SIMC1: variants seen among roughly 807,000 people sequenced by gnomAD.
SIMC1 encodes the protein SUMO interacting motifs containing 1.
In SIMC1, 55 loss-of-function variants were observed where a neutral mutation model predicts 82.3. That is an observed-to-expected ratio of 0.67 (90% CI 0.54 to 0.84). The LOEUF (loss-of-function observed/expected upper bound fraction) is 0.84. SIMC1 is among the 40% of genes least tolerant of loss of function. The pLI is 0.00. For missense variants in SIMC1, 915 were observed against 1,107.2 expected (o/e 0.83, Z 2.46); for synonymous variants, 353 against 426.3 (o/e 0.83, Z 2.12).
chr5:176,345,198 C>G lies in SIMC1; in HGVS notation c.2429C>G (p.Ser810Cys). 6.2e-7 allele frequency: 1 copy of G among 1,613,856 alleles called. No individual in the cohort carries two copies. ...QHVLREHLRS[S>C]VIDRKDLIIK... Reference sequence around the variant, plus strand: ...CCTCTTGCAGAACACTTAAGGAGTTCCGTGATCGACCGAAAGGACTTAATA... The same window carrying G: ...CCTCTTGCAGAACACTTAAGGAGTTGCGTGATCGACCGAAAGGACTTAATA... The change falls in exon 10 of 10, where the codon TCC (serine) becomes TGC (cysteine). Residue 810 changes from serine to cysteine, a missense_variant. By Grantham distance (112) the Ser-to-Cys change is moderately radical. This residue lies in a region of SIMC1 where 902 missense variants were observed against 1,040.3 expected (regional missense o/e 0.87). Transcript: ENST00000429602.
chr5:176,284,527 G>A (rs1321710172), intron 1 of SIMC1, among the ~76,000 whole-genome samples: 3 of 152,192 alleles, frequency 2.0e-5, no homozygotes, highest in Non-Finnish European at 2.9e-5. Flanking sequence ...TTAAAGCAGT[G>A]TGTAGAGGGA....
chr5:176,292,944 T>C (rs1250721830), intron 2 of SIMC1, among the ~76,000 whole-genome samples: 2 of 152,212 alleles, frequency 1.3e-5, no homozygotes, highest in Non-Finnish European at 2.9e-5. Flanking sequence ...TTTTAACATA[T>C]ACACATTATT....
intron 1 of SIMC1, among the ~76,000 whole-genome samples, chr5:176,287,899 G>C (rs2113249713): frequency 6.6e-6 from 1 of 152,122 alleles, no homozygotes; most frequent in Middle Eastern, 3.4e-3. Context: ...GATAGAGAGA[G>C]AGGTTTGCAT....
rs781007569 is a variant in SIMC1 at position 176,290,897 on chromosome 5, G to A, written c.1373G>A (p.Arg458His). 2.3e-5 allele frequency: 37 copies of A among 1,611,758 alleles called. No individual in the cohort carries two copies. The highest frequency in any genetic ancestry group is 1.0e-4 in the Admixed American group (6 of 59,778). Residue 458 changes from arginine (R) to histidine (H), a missense_variant, in exon 2 of 10, where the codon CGT (arginine) becomes CAT (histidine). Transcript: ENST00000429602. ...PCLHRLKYFL[R>H]PPVHHLFFQT... Reference sequence around the variant, plus strand: ...CTGCATAGACTGAAGTACTTCTTACGTCCTCCGGTTCATCACCTCTTCTTT... The same window carrying A: ...CTGCATAGACTGAAGTACTTCTTACATCCTCCGGTTCATCACCTCTTCTTT...
intron 5 of SIMC1, among the ~76,000 whole-genome samples, chr5:176,320,657 C>G (rs1765122422): frequency 6.6e-6 from 1 of 152,140 alleles, no homozygotes; most frequent in African/African-American, 2.4e-5. Flanking sequence ...AAGTGAGCCA[C>G]CATGCCTGGC....
intron 1 of SIMC1, among the ~76,000 whole-genome samples, chr5:176,260,622 T>A (rs1232103875): frequency 6.9e-6 from 1 of 145,686 alleles, no homozygotes; most frequent in African/African-American, 2.5e-5. Context: ...GGAAAAAAAA[T>A]GTTTGTAGGA....
rs374391951 is a variant in SIMC1, at chr5:176,292,693, G to T, written c.1431+1738G>T. ...CCGCGTAGCTGGGTTACAGGTGCCC[G>T]CTACCACTTCCGGCTTTTTGTACTT... On this transcript the variant is annotated intron_variant, in intron 2 of 9. Coordinates refer to ENST00000429602, the MANE Select transcript of SIMC1 (RefSeq NM_001308195.2). Among the ~76,000 whole-genome samples the T allele has an allele frequency of 3.4e-4, 52 of 152,164 alleles. No homozygotes were observed. In the South Asian group the frequency reaches 8.9e-3, roughly 26 times the overall value.
At chr5:176,300,080 G>A (rs1763978283) in intron 4 of SIMC1, among the ~76,000 whole-genome samples, 1 of 152,116 alleles carries the variant, frequency 6.6e-6, no homozygotes, top group Non-Finnish European at 1.5e-5. Context: ...AAATTAAAAT[G>A]GAAATATGAC....
chr5:176,337,571 G>A (rs984624695), intron 9 of SIMC1, among the ~76,000 whole-genome samples: 1 of 152,136 alleles, frequency 6.6e-6, no homozygotes, highest in African/African-American at 2.4e-5. Context: ...TCCAGCCTGG[G>A]CAACAGAGTG....
intron 4 of SIMC1, among the ~76,000 whole-genome samples, chr5:176,307,153 AAAT>A (rs1217216979): frequency 1.3e-5 from 2 of 152,192 alleles, no homozygotes; most frequent in Non-Finnish European, 2.9e-5. Flanking sequence ...AAAAAACAAA[AAAT>A]AAGTGTGGGC....
intron 2 of SIMC1, 49 bp from the exon 3 acceptor site, chr5:176,294,981 A>AG (rs765119980): frequency 6.5e-7 from 1 of 1,539,128 alleles, no homozygotes. Flanking sequence ...AAAAAAAAAA[A>AG]AAAAAGAAAA....
intron 1 of SIMC1, among the ~76,000 whole-genome samples, chr5:176,264,719 G>A (rs1036412587): frequency 6.6e-6 from 1 of 151,498 alleles, no homozygotes; most frequent in African/African-American, 2.4e-5. Context: ...GACTTTTACA[G>A]TCTGCTTTCC....
chr5:176,274,701 T>C (rs1484358340), intron 1 of SIMC1, among the ~76,000 whole-genome samples: 2 of 151,904 alleles, frequency 1.3e-5, no homozygotes, highest in Non-Finnish European at 2.9e-5. Context: ...AAGGAAGGGA[T>C]CCAGTTTCAG....
At chr5:176,337,875 T>C (rs1200916013) in intron 9 of SIMC1, among the ~76,000 whole-genome samples, 3 of 152,176 alleles carry the variant, frequency 2.0e-5, no homozygotes, top group East Asian at 3.8e-4. Flanking sequence ...CCAATGACGA[T>C]GTAGGAGAGT....
chr5:176,276,064 T>A (rs1249978308), intron 1 of SIMC1, among the ~76,000 whole-genome samples: 2 of 151,722 alleles, frequency 1.3e-5, no homozygotes, highest in African/African-American at 4.8e-5. Flanking sequence ...TTCCTCCTTG[T>A]ACCTCTGGTA....
intron 4 of SIMC1, 189 bp from the exon 5 acceptor site, chr5:176,313,502 A>T: frequency 6.4e-7 from 1 of 1,554,388 alleles, no homozygotes; most frequent in Middle Eastern, 1.7e-4. Flanking sequence ...TTTTTTCAGC[A>T]GTCACCCTAT....
At chr5:176,272,559 G>A (rs915320302) in intron 1 of SIMC1, among the ~76,000 whole-genome samples, 3 of 152,194 alleles carry the variant, frequency 2.0e-5, no homozygotes, top group Admixed American at 1.3e-4. Context: ...TCCAACTGAG[G>A]TTCATCTCAC....
intron 7 of SIMC1, among the ~76,000 whole-genome samples, chr5:176,326,156 G>T (rs747970306): frequency 6.6e-6 from 1 of 152,148 alleles, no homozygotes; most frequent in East Asian, 1.9e-4. Flanking sequence ...TTTGTCTTCA[G>T]TGCATCTCCA....
rs143133888 is a variant in SIMC1 at position 176,281,725 on chromosome 5, G to A, written c.130-7929G>A. Among the ~76,000 whole-genome samples the A allele has an allele frequency of 3.9e-3, 599 of 152,298 alleles. 4 individuals are homozygous for A. The highest frequency in any genetic ancestry group is 4.8e-3 in the Non-Finnish European group (325 of 68,030). ...CCCTGTTTGCCTGGGTATCAGCAGCGTTGTCTCCAGAACAGTGGTTTTTCG... is the reference window on the plus strand; with the variant it reads ...CCCTGTTTGCCTGGGTATCAGCAGCATTGTCTCCAGAACAGTGGTTTTTCG... On this transcript the variant is annotated intron_variant, in intron 1 of 9. Transcript: ENST00000429602.
Sources: allele counts gnomAD v4.1 joint callset (sites outside exome capture counted in the v4.1 genomes callset), GRCh38; gene constraint gnomAD v4.1.1; regional missense constraint gnomAD v4.1.1; transcripts MANE v1.5; gene names NCBI Gene and HGNC (gene_info 2026-07-23, HGNC 2026-07-21).